The following CNTN1 variants were observed in gnomAD, a reference collection of about 807,000 sequenced individuals.
CNTN1 encodes contactin-1.
CNTN1 carries 38 observed loss-of-function variants against 126.4 expected under a neutral mutation model. That is an observed-to-expected ratio of 0.30 (90% CI 0.23 to 0.39). CNTN1 has a LOEUF of 0.39. Ranked by LOEUF, CNTN1 falls within the 10% of genes least tolerant of loss-of-function variation. The pLI, the probability that CNTN1 is intolerant of heterozygous loss-of-function variation, is 1.00. For synonymous variants in CNTN1, 413 were observed against 422.6 expected (o/e 0.98, Z 0.28); for missense variants, 1,009 against 1,248.4 (o/e 0.81, Z 2.89).
chr12:40,979,160 A>G (rs1017376658), intron 15 of CNTN1: 1 of 152,186 alleles, frequency 6.6e-6, no homozygotes, highest in Admixed American at 6.5e-5. Flanking sequence ...GTCTAAGTAT[A>G]CTATTATAGG....
intron 15 of CNTN1, among the ~76,000 whole-genome samples, chr12:40,961,435 T>A (rs1443097600): frequency 2.0e-5 from 3 of 152,052 alleles, no homozygotes; most frequent in Admixed American, 6.6e-5. Flanking sequence ...TTTTATTTTT[T>A]AATAATAATG....
intron 1 of CNTN1, among the ~76,000 whole-genome samples, chr12:40,700,517 C>T (rs939444775): frequency 1.3e-5 from 2 of 151,308 alleles, no homozygotes; most frequent in Non-Finnish European, 2.9e-5. Context: ...CAGGGTGAGA[C>T]TCTGTCTCAA....
chr12:41,006,140 A>C (rs1948488267), intron 17 of CNTN1, among the ~76,000 whole-genome samples: 1 of 152,094 alleles, frequency 6.6e-6, no homozygotes, highest in African/African-American at 2.4e-5. Context: ...TTGTGGTATA[A>C]GGTAGATTCA....
At chr12:40,788,769 T>A (rs78929984) in intron 1 of CNTN1, among the ~76,000 whole-genome samples, 8,411 of 152,174 alleles carry the variant, frequency 0.055, 307 homozygotes, top group Admixed American at 0.079. Context: ...CTGTTTAAAG[T>A]TCTTTCTAGG....
chr12:40,851,463 T>C (rs1942712928), intron 1 of CNTN1, among the ~76,000 whole-genome samples: 1 of 152,348 alleles, frequency 6.6e-6, no homozygotes, highest in Non-Finnish European at 1.5e-5. Context: ...GGAAGTCTTA[T>C]CCATATTTTG....
intron 1 of CNTN1, among the ~76,000 whole-genome samples, chr12:40,745,437 G>T (rs940642069): frequency 3.3e-5 from 5 of 152,096 alleles, no homozygotes; most frequent in East Asian, 1.9e-4. Context: ...AGGGGGCCAG[G>T]TTTCCAGCTT....
intron 23 of CNTN1, among the ~76,000 whole-genome samples, chr12:41,056,941 TTATA>T (rs1308127520): frequency 0.011 from 711 of 65,932 alleles, 23 homozygotes; most frequent in Non-Finnish European, 0.013. Context: ...TTATAAATAT[TTATA>T]ATATTTAGAT....
intron 16 of CNTN1, among the ~76,000 whole-genome samples, chr12:40,984,275 C>T (rs1947898267): frequency 1.3e-5 from 2 of 151,968 alleles, no homozygotes; most frequent in Admixed American, 1.3e-4. Flanking sequence ...TCTAATCCTC[C>T]TCACTTGTTC....
At chr12:40,971,306 A>G in intron 15 of CNTN1, 2 of 760,182 alleles carry the variant, frequency 2.6e-6, no homozygotes, top group Non-Finnish European at 4.2e-6. Context: ...GTAGGGGAAG[A>G]TACCTTTCTG....
chr12:40,862,206 A>AACACACACACAC (rs557164441), intron 1 of CNTN1, among the ~76,000 whole-genome samples: 14 of 94,162 alleles, frequency 1.5e-4, no homozygotes, highest in East Asian at 5.1e-4. Flanking sequence ...CTTGTCTCTT[A>AACACACACACAC]ATACACACAC....
intron 1 of CNTN1, among the ~76,000 whole-genome samples, chr12:40,713,220 CTTT>C (rs61488919): frequency 7.0e-6 from 1 of 142,310 alleles, no homozygotes; most frequent in Admixed American, 7.0e-5. Context: ...TATATCATGG[CTTT>C]TTTTTTTTTA....
chr12:40,867,506 C>CA (rs922254698), intron 1 of CNTN1, among the ~76,000 whole-genome samples: 9 of 152,060 alleles, frequency 5.9e-5, no homozygotes, highest in Admixed American at 2.0e-4. Context: ...GTTTTCACTA[C>CA]AAAAAACAAT....
At chr12:40,880,005 C>G (rs965374664) in intron 1 of CNTN1, among the ~76,000 whole-genome samples, 1 of 152,016 alleles carries the variant, frequency 6.6e-6, no homozygotes, top group Non-Finnish European at 1.5e-5. Flanking sequence ...TGTAGTAATA[C>G]CTTTGCTCCA....
chr12:41,062,114 CTCT>C (rs1453792365), intron 23 of CNTN1, among the ~76,000 whole-genome samples: 1 of 152,114 alleles, frequency 6.6e-6, no homozygotes, highest in African/African-American at 2.4e-5. Flanking sequence ...CTCTTTGGGT[CTCT>C]TCTTTAGAAA....
intron 7 of CNTN1, among the ~76,000 whole-genome samples, chr12:40,932,687 T>C (rs1189891519): frequency 2.0e-5 from 3 of 151,948 alleles, no homozygotes; most frequent in African/African-American, 7.2e-5. Flanking sequence ...ATGCCATATT[T>C]GCCTCAGAGT....
chr12:40,778,682 A>T (rs571358776), intron 1 of CNTN1, among the ~76,000 whole-genome samples: 1 of 151,942 alleles, frequency 6.6e-6, no homozygotes, highest in South Asian at 2.1e-4. Context: ...AAAACAAAAC[A>T]AAACTAACCA....
At chr12:40,965,004 C>G (rs1337757223) in intron 15 of CNTN1, among the ~76,000 whole-genome samples, 1 of 151,988 alleles carries the variant, frequency 6.6e-6, no homozygotes, top group Non-Finnish European at 1.5e-5. Flanking sequence ...AGATGATGGT[C>G]CAGGAAAATT....
chr12:41,050,312 G>A (rs1447252235), intron 23 of CNTN1, among the ~76,000 whole-genome samples: 36 of 152,302 alleles, frequency 2.4e-4, no homozygotes, highest in Non-Finnish European at 4.4e-5. Flanking sequence ...AATTTATAAA[G>A]AAAAGAGGTT....
At chr12:40,795,292 C>G (rs934376157) in intron 1 of CNTN1, among the ~76,000 whole-genome samples, 10 of 48,432 alleles carry the variant, frequency 2.1e-4, no homozygotes, top group Non-Finnish European at 4.3e-4. Flanking sequence ...CACACACACA[C>G]ACACACACAC....
Sources: gnomAD v4.1 joint callset for allele counts (sites outside exome capture counted in the v4.1 genomes callset) on GRCh38, gnomAD v4.1.1 for gene constraint, MANE v1.5 for transcripts, NCBI Gene and HGNC (gene_info 2026-07-23, HGNC 2026-07-21) for gene names.